The following ZNF532 variants were observed in gnomAD, a reference collection of about 807,000 sequenced individuals.
ZNF532 encodes the protein zinc finger protein 532.
A neutral mutation model predicts 89.3 loss-of-function variants in ZNF532; 22 were observed. The observed-to-expected ratio is 0.25, with a 90% CI of 0.18 to 0.35. ZNF532 has a LOEUF of 0.35. ZNF532 is among the 10% of genes least tolerant of loss of function. The probability of loss-of-function intolerance (pLI) is 1.00; values close to 1 mark genes in which losing one functional copy is unlikely to be tolerated. For synonymous variants in ZNF532, 606 were observed against 649.6 expected, an observed-to-expected ratio of 0.93 and a Z score of 1.02; for missense variants, 1,132 against 1,643.4, an observed-to-expected ratio of 0.69 and a Z score of 5.38.
chr18:58,867,017 G>A (rs1047955165), intron 2 of ZNF532, among the ~76,000 whole-genome samples: 1 of 152,254 alleles, frequency 6.6e-6, no homozygotes, highest in African/African-American at 2.4e-5. Context: ...TGCTTGCAAA[G>A]CAGATCCGAA....
chr18:58,901,051 T>G (rs1235047521), intron 2 of ZNF532, among the ~76,000 whole-genome samples: 1 of 152,236 alleles, frequency 6.6e-6, no homozygotes, highest in Non-Finnish European at 1.5e-5. Flanking sequence ...TATAAAATAT[T>G]AAAATTCAAA....
At chr18:58,937,009 A>G (rs2062534138) in intron 4 of ZNF532, among the ~76,000 whole-genome samples, 1 of 152,076 alleles carries the variant, frequency 6.6e-6, no homozygotes, top group African/African-American at 2.4e-5. Flanking sequence ...CCAAATACTG[A>G]TGGGTCATCC....
In ZNF532 at chr18:58,985,491, T is replaced by TAGAGTCGGGATGCAC; in HGVS notation, c.*1027_*1041dup. ...TGCTACTGCCAAACGTTATGGTACT[T>TAGAGTCGGGATGCAC]AGAGTCGGGATGCACAACTTCAACC... On this transcript the variant is annotated 3_prime_UTR_variant, in exon 10 of 10. Coordinates refer to ENST00000591808, the MANE Select transcript of ZNF532 (RefSeq NM_001375912.1). The TAGAGTCGGGATGCAC allele has an allele frequency of 6.5e-6, 1 of 152,690 alleles. No homozygotes were observed. The highest frequency in any genetic ancestry group is 1.9e-4 in the East Asian group (1 of 5,176). The allele number at this position is 152,690 out of a possible 1,614,324, so 9.5% of individuals were successfully genotyped here.
At chr18:58,969,499 C>T (rs2066253386) in intron 7 of ZNF532, among the ~76,000 whole-genome samples, 1 of 152,220 alleles carries the variant, frequency 6.6e-6, no homozygotes, top group Admixed American at 6.5e-5. Context: ...CAGCACCTTC[C>T]TGGGACACTC....
At chr18:58,933,395 TAA>T (rs781237028) in intron 3 of ZNF532, among the ~76,000 whole-genome samples, 2 of 152,086 alleles carry the variant, frequency 1.3e-5, no homozygotes, top group African/African-American at 2.4e-5. Flanking sequence ...ACAAGAAGAA[TAA>T]AAAAAGTCTT....
At chr18:58,982,561 G>GCA (rs1358500226) in intron 9 of ZNF532, among the ~76,000 whole-genome samples, 4 of 152,136 alleles carry the variant, frequency 2.6e-5, no homozygotes, top group Non-Finnish European at 4.4e-5. Context: ...AGCAGAGGTT[G>GCA]CAGTGTGCCA....
chr18:58,981,677 A>T (rs542215897), intron 9 of ZNF532, 60 bp downstream of exon 9: 2 of 1,596,386 alleles, frequency 1.3e-6, no homozygotes, highest in South Asian at 2.3e-5. Flanking sequence ...TTTCCCATTC[A>T]TTTTTTTCCT....
intron 6 of ZNF532, among the ~76,000 whole-genome samples, chr18:58,951,655 T>TG: frequency 1.5e-5 from 2 of 136,332 alleles, no homozygotes; most frequent in South Asian, 5.0e-4. Flanking sequence ...TGTTTTTTTT[T>TG]TTTTTTTTTT....
intron 5 of ZNF532, among the ~76,000 whole-genome samples, chr18:58,943,316 C>T (rs775461853): frequency 6.0e-5 from 9 of 151,010 alleles, no homozygotes; most frequent in Non-Finnish European, 8.8e-5. Context: ...CCCACCATCA[C>T]GCCTGGCTAA....
chr18:58,946,394 G>A (rs1176525806), intron 5 of ZNF532, among the ~76,000 whole-genome samples: 1 of 150,410 alleles, frequency 6.6e-6, no homozygotes, highest in African/African-American at 2.4e-5. Flanking sequence ...CTGGGCCCAA[G>A]CGATTCTTGT....
At chr18:58,867,954 T>C (rs975060617) in intron 2 of ZNF532, among the ~76,000 whole-genome samples, 16 of 152,210 alleles carry the variant, frequency 1.1e-4, no homozygotes, top group Non-Finnish European at 2.2e-4. Context: ...GGAAGGAGGT[T>C]GCCAACTTGT....
At chr18:58,875,999 C>T (rs2057395100) in intron 2 of ZNF532, among the ~76,000 whole-genome samples, 1 of 143,254 alleles carries the variant, frequency 7.0e-6, no homozygotes, top group African/African-American at 2.7e-5. Flanking sequence ...GTGGCGCGAT[C>T]TCGACTCACT....
At chr18:58,910,408 G>T (rs1265533022) in intron 2 of ZNF532, among the ~76,000 whole-genome samples, 1 of 151,970 alleles carries the variant, frequency 6.6e-6, no homozygotes, top group Non-Finnish European at 1.5e-5. Flanking sequence ...AATTTTGGAC[G>T]CCCCCTCCCA....
intron 5 of ZNF532, among the ~76,000 whole-genome samples, chr18:58,943,885 T>G (rs766608460): frequency 6.6e-6 from 1 of 152,216 alleles, no homozygotes; most frequent in Non-Finnish European, 1.5e-5. Context: ...AGTGGAGAAA[T>G]GAGAACTTCA....
At chr18:58,888,438 G>A (rs961013929) in intron 2 of ZNF532, among the ~76,000 whole-genome samples, 2 of 151,576 alleles carry the variant, frequency 1.3e-5, no homozygotes, top group Non-Finnish European at 2.9e-5. Flanking sequence ...CATTTTGGGA[G>A]GCCAAGGTGG....
At chr18:58,964,496 AT>A (rs1237239824) in intron 7 of ZNF532, among the ~76,000 whole-genome samples, 1 of 125,180 alleles carries the variant, frequency 8.0e-6, no homozygotes, top group Admixed American at 8.1e-5. Flanking sequence ...TATGAAACTT[AT>A]TTTTCATTAG....
At chr18:58,875,311 C>CT (rs1435121854) in intron 2 of ZNF532, among the ~76,000 whole-genome samples, 1 of 152,052 alleles carries the variant, frequency 6.6e-6, no homozygotes, top group Non-Finnish European at 1.5e-5. Flanking sequence ...GTGCCAAGTC[C>CT]TTTTTTTCCT....
chr18:58,907,148 A>G (rs565798199), intron 2 of ZNF532, among the ~76,000 whole-genome samples: 2 of 152,216 alleles, frequency 1.3e-5, no homozygotes, highest in East Asian at 1.9e-4. Context: ...CCTTTCAGAT[A>G]TGACCATTAA....
At chr18:58,934,641 A>G (rs1271182710) in intron 4 of ZNF532, 27 bp downstream of exon 4, 1 of 1,599,640 alleles carries the variant, frequency 6.3e-7, no homozygotes, top group Non-Finnish European at 8.5e-7. Flanking sequence ...CTTATGTGCA[A>G]GTAAAACTCG....
Sources: allele counts gnomAD v4.1 joint callset (sites outside exome capture counted in the v4.1 genomes callset), GRCh38; gene constraint gnomAD v4.1.1; transcripts MANE v1.5; gene names NCBI Gene and HGNC (gene_info 2026-07-23, HGNC 2026-07-21).